Variants in CCDC87 observed in about 807,000 individuals in gnomAD.
CCDC87 encodes the protein coiled-coil domain containing 87.
For synonymous variants in CCDC87, 434 were observed against 440.2 expected (o/e 0.99, Z 0.18); for missense variants, 1,072 against 1,041.7 (o/e 1.03, Z -0.40).
At position 66,592,002 on chromosome 11, in the gene CCDC87, C is replaced by G. The variant is rs777169932; in HGVS notation, c.1014G>C (p.Leu338=). The G allele has an allele frequency of 2.2e-5, 36 of 1,613,800 alleles. No homozygotes were observed. The highest frequency in any genetic ancestry group is 3.0e-5 in the Non-Finnish European group (35 of 1,180,038). ...PPLPSRPLTP[L]VLATESKPEL... ...CTGGTTTGCTCTCTGTAGCCAAGACCAGCGGGGTTAAGGGGCGAGATGGGA... is the reference window on the plus strand; with the variant it reads ...CTGGTTTGCTCTCTGTAGCCAAGACGAGCGGGGTTAAGGGGCGAGATGGGA... The change falls in exon 1 of 1, where the codon CTG becomes CTC. Residue 338 remains leucine (L), a synonymous_variant. Coordinates refer to ENST00000333861, the MANE Select transcript of CCDC87 (RefSeq NM_018219.3).
Position 66,592,332 on chromosome 11 carries a change from G to A in CCDC87, c.684C>T (p.Asn228=). The A allele has an allele frequency of 6.2e-7, 1 of 1,614,216 alleles. No individual in the cohort carries two copies. The highest frequency in any genetic ancestry group is 8.5e-7 in the Non-Finnish European group (1 of 1,180,016). ...GTGGACGGCTGAGTTGGATGAGGTA[G>A]TTCAGGTTGAGGTTAGAGCACTGCA... ...AQVQCSNLNL[N]YLIQLSRPPE... The change falls in exon 1 of 1, where the codon AAC becomes AAT. Residue 228 remains asparagine, a synonymous_variant. Coordinates refer to ENST00000333861, the MANE Select transcript of CCDC87 (RefSeq NM_018219.3).
chr11:66,590,419 G>C lies in CCDC87; in HGVS notation c.*47C>G. ...ATTTAGGGGTGAGGGAGGCATTTGA[G>C]GGCACTGGGCCTGGTCAAGGAGTAA... On this transcript the variant is annotated 3_prime_UTR_variant, in exon 1 of 1. Coordinates refer to ENST00000333861, the MANE Select transcript of CCDC87 (RefSeq NM_018219.3). 1 of 1,446,186 alleles carries C rather than the reference G, an allele frequency of 6.9e-7. No homozygotes were observed. Among genetic ancestry groups the C allele is most frequent in the African/African-American group, 1.4e-5 (1 of 70,606 alleles). 89.6% of individuals were successfully genotyped at this position (1,446,186 alleles called of 1,614,324 possible). A position where few individuals can be genotyped will look rare whatever the true frequency, so the allele number is the denominator to read the frequency against.
chr11:66,591,395 T>C lies in CCDC87; in HGVS notation c.1621A>G (p.Ile541Val), dbSNP rs141677810. 5 of 1,614,116 alleles carry C rather than the reference T, an allele frequency of 3.1e-6. No individual in the cohort carries two copies. The Admixed American group carries it at 6.7e-5, about 22-fold the overall frequency. The change falls in exon 1 of 1, where the codon ATC becomes GTC. Residue 541 changes from isoleucine to valine, a missense_variant. Coordinates refer to ENST00000333861, the MANE Select transcript of CCDC87 (RefSeq NM_018219.3). ...FLRQEKQPQI[I>V]NPELVGLYSQ... ...TAAAGTCCAACCAGCTCAGGGTTGA[T>C]GATTTGAGGCTGTTTTTCTTGACGT...
In CCDC87 at chr11:66,590,381, T is replaced by G; in HGVS notation, c.*85A>C. The G allele has an allele frequency of 1.0e-6, 1 of 1,003,378 alleles. No individual in the cohort carries two copies. Among genetic ancestry groups the G allele is most frequent in the Non-Finnish European group, 1.5e-6 (1 of 664,618 alleles). 62.2% of individuals were successfully genotyped at this position (1,003,378 alleles called of 1,614,324 possible). A position where few individuals can be genotyped will look rare whatever the true frequency, so the allele number is the denominator to read the frequency against. ...TTCCAAAGCAGTAAAGAGGTCTAGA[T>G]GAGCTGCTGGCCATTTAGGGGTGAG... On this transcript the variant is annotated 3_prime_UTR_variant, in exon 1 of 1. Transcript: ENST00000333861.
In CCDC87 at chr11:66,590,987, T is replaced by C; in HGVS notation, c.2029A>G (p.Ile677Val). 6.2e-7 allele frequency: 1 copy of C among 1,613,798 alleles called. No individual in the cohort carries two copies. Residue 677 changes from isoleucine (I) to valine (V), a missense_variant, in exon 1 of 1, where the codon ATT becomes GTT. Physicochemically the swap from Ile to Val is conservative, Grantham distance 29. Coordinates refer to ENST00000333861, the MANE Select transcript of CCDC87 (RefSeq NM_018219.3). ...TCCAGATGCTTCTGCAGGCTCAGAATTTTGTGGGGTTCTCCCAGGTGGGGT... is the reference window on the plus strand; with the variant it reads ...TCCAGATGCTTCTGCAGGCTCAGAACTTTGTGGGGTTCTCCCAGGTGGGGT... ...KTPHLGEPHK[I>V]LSLQKHLEQL...
Position 66,591,458 on chromosome 11 carries a change from C to G in CCDC87, c.1558G>C (p.Asp520His), listed in dbSNP as rs758959276. 1.9e-6 allele frequency: 3 copies of G among 1,614,180 alleles called. No individual in the cohort carries two copies. Among genetic ancestry groups the G allele is most frequent in the Non-Finnish European group, 2.5e-6 (3 of 1,180,044 alleles). ...GACAGGAAGGTCGACCAGTCTTTATCTGCTGCAGGCTCAACTAGGGGCCCT... is the reference window on the plus strand; with the variant it reads ...GACAGGAAGGTCGACCAGTCTTTATGTGCTGCAGGCTCAACTAGGGGCCCT... ...DQGPLVEPAA[D>H]KDWSTFLSSA... The change falls in exon 1 of 1, where the codon GAT becomes CAT. Residue 520 changes from aspartate to histidine, a missense_variant. By Grantham distance (81) the Asp-to-His change is moderately conservative. Coordinates refer to ENST00000333861, the MANE Select transcript of CCDC87 (RefSeq NM_018219.3).
In CCDC87 at chr11:66,592,635, G is replaced by A. The variant is rs199562889; in HGVS notation, c.381C>T (p.Leu127=). 2 of 1,613,906 alleles carry A rather than the reference G, an allele frequency of 1.2e-6. No individual in the cohort carries two copies. Among genetic ancestry groups the A allele is most frequent in the Admixed American group, 1.7e-5 (1 of 60,026 alleles). ...EAYVLLSSEQ[L]FLRYLHLLVT... ...CCAGCAGGTGCAGGTAGCGCAAGAAGAGCTGCTCGCTGCTCAGCAGCACGT... is the reference window on the plus strand; with the variant it reads ...CCAGCAGGTGCAGGTAGCGCAAGAAAAGCTGCTCGCTGCTCAGCAGCACGT... The change falls in exon 1 of 1, where the codon CTC becomes CTT. Residue 127 remains leucine (L), a synonymous_variant. Coordinates refer to ENST00000333861, the MANE Select transcript of CCDC87 (RefSeq NM_018219.3).
chr11:66,591,548 T>C lies in CCDC87; in HGVS notation c.1468A>G (p.Thr490Ala). ...AACTCCTTGTAGACCTCCCTGGTAG[T>C]ACTGCCAACAAAGTTATCAATATCC... ...KMDIDNFVGS[T>A]TREVYKELMS... is the part of the protein sequence containing the mutation. Residue 490 changes from threonine to alanine, a missense_variant, in exon 1 of 1, where the codon ACT becomes GCT. Physicochemically the swap from Thr to Ala is moderately conservative, Grantham distance 58. Transcript: ENST00000333861. 6.2e-7 allele frequency: 1 copy of C among 1,614,192 alleles called. No homozygotes were observed. Among genetic ancestry groups the C allele is most frequent in the Non-Finnish European group, 8.5e-7 (1 of 1,180,032 alleles).
rs1267365194 is a variant in CCDC87, at chr11:66,592,498, C to G, written c.518G>C (p.Arg173Pro). Residue 173 changes from arginine to proline, a missense_variant, in exon 1 of 1, where the codon CGT becomes CCT. By Grantham distance (103) the Arg-to-Pro change is moderately radical. Coordinates refer to ENST00000333861, the MANE Select transcript of CCDC87 (RefSeq NM_018219.3). ...TLFLTSPNVY[R>P]GLLADFQALL... ...GGCCTGGAAGTCGGCAAGCAGGCCA[C>G]GGTAGACGTTGGGACTAGTAAGGAA... 1.2e-6 allele frequency: 2 copies of G among 1,613,648 alleles called. No homozygotes were observed. Among genetic ancestry groups the G allele is most frequent in the East Asian group, 2.2e-5 (1 of 44,866 alleles).
At position 66,592,125 on chromosome 11, in the gene CCDC87, A is replaced by G; in HGVS notation, c.891T>C (p.Ala297=). 1 of 1,585,626 alleles carries G rather than the reference A, an allele frequency of 6.3e-7. No homozygotes were observed. Among genetic ancestry groups the G allele is most frequent in the Non-Finnish European group, 8.6e-7 (1 of 1,165,946 alleles). Residue 297 remains alanine, a synonymous_variant, in exon 1 of 1, where the codon GCT becomes GCC. Transcript: ENST00000333861. Reference sequence around the variant, plus strand: ...GCTCAGGGCAGAAAGGCGAGGGGGAAGCCCTGCTGGTGGGGGCCACAGGAT... The same window carrying G: ...GCTCAGGGCAGAAAGGCGAGGGGGAGGCCCTGCTGGTGGGGGCCACAGGAT... ...PSYPVAPTSR[A]SPSPFCPELR...
chr11:66,592,026 G>T lies in CCDC87; in HGVS notation c.990C>A (p.Leu330=). 6.2e-7 allele frequency: 1 copy of T among 1,613,874 alleles called. No homozygotes were observed. The highest frequency in any genetic ancestry group is 8.5e-7 in the Non-Finnish European group (1 of 1,179,966). ...RLADELGLPP[L]PSRPLTPLVL... ...CCAGCGGGGTTAAGGGGCGAGATGGGAGTGGAGGAAGGCCCAACTCATCTG... is the reference window on the plus strand; with the variant it reads ...CCAGCGGGGTTAAGGGGCGAGATGGTAGTGGAGGAAGGCCCAACTCATCTG... Residue 330 remains leucine (L), a synonymous_variant, in exon 1 of 1, where the codon CTC becomes CTA. Coordinates refer to ENST00000333861, the MANE Select transcript of CCDC87 (RefSeq NM_018219.3).
At position 66,592,097 on chromosome 11, in the gene CCDC87, G is replaced by C; in HGVS notation, c.919C>G (p.Arg307Gly). 1.3e-6 allele frequency: 2 copies of C among 1,596,980 alleles called. No homozygotes were observed. Among genetic ancestry groups the C allele is most frequent in the Non-Finnish European group, 1.7e-6 (2 of 1,171,438 alleles). Reference protein sequence around the residue: ...ASPSPFCPELRRGQSMPSLRE... With the variant: ...ASPSPFCPELGRGQSMPSLRE... The stretch of plus-strand genomic sequence containing the variant: ...AGGGAGGGCATGGATTGGCCTCTCC[G>C]GAGCTCAGGGCAGAAAGGCGAGGGG... The change falls in exon 1 of 1, where the codon CGG (arginine) becomes GGG (glycine). Residue 307 changes from arginine to glycine, a missense_variant. Arg to Gly is a moderately radical substitution (Grantham distance 125). Coordinates refer to ENST00000333861, the MANE Select transcript of CCDC87 (RefSeq NM_018219.3).
chr11:66,591,202 T>C lies in CCDC87; in HGVS notation c.1814A>G (p.Glu605Gly), dbSNP rs777843674. ...DDYFKYLTNH[E>G]TDFLHVIFQM... ...AAAGATGACATGAAGGAAATCTGTTTCATGGTTGGTGAGGTACTTGAAGTA... is the reference window on the plus strand; with the variant it reads ...AAAGATGACATGAAGGAAATCTGTTCCATGGTTGGTGAGGTACTTGAAGTA... Residue 605 changes from glutamate to glycine, a missense_variant, in exon 1 of 1, where the codon GAA becomes GGA. Coordinates refer to ENST00000333861, the MANE Select transcript of CCDC87 (RefSeq NM_018219.3). 1.9e-6 allele frequency: 3 copies of C among 1,614,266 alleles called. No homozygotes were observed. In the East Asian group the frequency reaches 6.7e-5, roughly 36 times the overall value.
Position 66,591,143 on chromosome 11 carries a change from C to T in CCDC87, c.1873G>A (p.Val625Met). Residue 625 changes from valine to methionine, a missense_variant, in exon 1 of 1, where the codon GTG (valine) becomes ATG (methionine). Transcript: ENST00000333861. ...MHEEEVPVEIVAPARESLEIQ... is the reference protein window; with the variant it reads ...MHEEEVPVEIMAPARESLEIQ... ...TCTAGGGACTCTCTGGCAGGGGCCA[C>T]AATCTCCACAGGAACCTCTTCTTCA... 1 of 1,614,172 alleles carries T rather than the reference C, an allele frequency of 6.2e-7. No homozygotes were observed. Among genetic ancestry groups the T allele is most frequent in the South Asian group, 1.1e-5 (1 of 91,086 alleles).
In CCDC87 at chr11:66,590,450, G is replaced by T. The variant is rs529504121; in HGVS notation, c.*16C>A. ...TGGGCCTGGTCAAGGAGTAATAGGG[G>T]TATTCCCAGGAGCTACTAAAGGCTG... On this transcript the variant is annotated 3_prime_UTR_variant, in exon 1 of 1. Transcript: ENST00000333861. 5 of 1,581,398 alleles carry T rather than the reference G, an allele frequency of 3.2e-6. No homozygotes were observed. Among genetic ancestry groups the T allele is most frequent in the Non-Finnish European group, 4.3e-6 (5 of 1,162,766 alleles).
Position 66,592,933 on chromosome 11 carries a change from C to A in CCDC87, c.83G>T (p.Arg28Met). ...CTTCTGAGGCTCTGGGGACGTCGTCCTAGTGGGGAAGAGCGACAGCGGACG... is the reference window on the plus strand; with the variant it reads ...CTTCTGAGGCTCTGGGGACGTCGTCATAGTGGGGAAGAGCGACAGCGGACG... ...LLRPLSLFPT[R>M]TTSPEPQKRP... The change falls in exon 1 of 1, where the codon AGG becomes ATG. Residue 28 changes from arginine to methionine, a missense_variant. By Grantham distance (91) the Arg-to-Met change is moderately conservative. Coordinates refer to ENST00000333861, the MANE Select transcript of CCDC87 (RefSeq NM_018219.3). 6.6e-7 allele frequency: 1 copy of A among 1,521,754 alleles called. No individual in the cohort carries two copies. The allele number at this position is 1,521,754 out of a possible 1,614,324, so 94.3% of individuals were successfully genotyped here.
chr11:66,591,646 A>G lies in CCDC87; in HGVS notation c.1370T>C (p.Phe457Ser). 2 of 1,613,958 alleles carry G rather than the reference A, an allele frequency of 1.2e-6. No homozygotes were observed. Among genetic ancestry groups the G allele is most frequent in the Middle Eastern group, 1.6e-4 (1 of 6,062 alleles). ...RVSDRNFLDS[F>S]HIEGAGALYN... ...CAGGGCTCCGGCCCCCTCAATGTGG[A>G]AAGAGTCTAAGAAGTTTCTATCAGA... is the stretch of plus-strand genomic sequence containing the variant. Residue 457 changes from phenylalanine (F) to serine (S), a missense_variant, in exon 1 of 1, where the codon TTC becomes TCC. Coordinates refer to ENST00000333861, the MANE Select transcript of CCDC87 (RefSeq NM_018219.3).
rs144214514 is a variant in CCDC87 at position 66,591,418 on chromosome 11, C to T, written c.1598G>A (p.Arg533His). Residue 533 changes from arginine (R) to histidine (H), a missense_variant, in exon 1 of 1, where the codon CGT becomes CAT. Physicochemically the swap from Arg to His is conservative, Grantham distance 29 (BLOSUM62 0). Transcript: ENST00000333861. Reference sequence around the variant, plus strand: ...GATGATTTGAGGCTGTTTTTCTTGACGTAGAAAGGCTGAGGACAGGAAGGT... The same window carrying T: ...GATGATTTGAGGCTGTTTTTCTTGATGTAGAAAGGCTGAGGACAGGAAGGT... ...WSTFLSSAFLRQEKQPQIINP... is the reference protein window; with the variant it reads ...WSTFLSSAFLHQEKQPQIINP... 73 of 1,614,084 alleles carry T rather than the reference C, an allele frequency of 4.5e-5. No individual in the cohort carries two copies. The East Asian group carries it at 1.5e-3, about 33-fold the overall frequency.
chr11:66,592,529 T>C lies in CCDC87; in HGVS notation c.487A>G (p.Thr163Ala), dbSNP rs745995805. The C allele has an allele frequency of 1.3e-5, 21 of 1,613,354 alleles. No individual in the cohort carries two copies. The highest frequency in any genetic ancestry group is 1.7e-5 in the Non-Finnish European group (20 of 1,180,022). Residue 163 changes from threonine to alanine, a missense_variant, in exon 1 of 1, where the codon ACA becomes GCA. Thr to Ala is a moderately conservative substitution (Grantham distance 58). Coordinates refer to ENST00000333861, the MANE Select transcript of CCDC87 (RefSeq NM_018219.3). ...RLAASLARDC[T>A]LFLTSPNVYR... ...ACGTTGGGACTAGTAAGGAAGAGTG[T>C]GCAGTCCCTGGCGAGGCTGGCGGCC...
Sources: allele counts gnomAD v4.1 joint callset, GRCh38; gene constraint gnomAD v4.1.1; transcripts MANE v1.5; gene names NCBI Gene and HGNC (gene_info 2026-07-23, HGNC 2026-07-21).